The following PTPN11 variants were observed in gnomAD, a reference collection of about 807,000 sequenced individuals.
PTPN11 encodes tyrosine-protein phosphatase non-receptor type 11.
A neutral mutation model predicts 78.8 loss-of-function variants in PTPN11; 6 were observed. The ratio of observed to expected loss-of-function variants is 0.08; its 90% confidence interval spans 0.04 to 0.15. The LOEUF (loss-of-function observed/expected upper bound fraction) is 0.15. Among genes scored for constraint, PTPN11 ranks in the 10% least tolerant of loss-of-function variants. The pLI is 1.00. For synonymous variants in PTPN11, 221 were observed against 263.5 expected, an observed-to-expected ratio of 0.84 and a Z score of 1.56; for missense variants, 386 against 744.8, an observed-to-expected ratio of 0.52 and a Z score of 5.61.
rs1262014611 is a variant in PTPN11 at position 112,509,241 on chromosome 12, T to C, written c.*3449T>C. 1 of 152,262 alleles carries C rather than the reference T, an allele frequency of 6.6e-6. No individual in the cohort carries two copies. The highest frequency in any genetic ancestry group is 1.9e-4 in the East Asian group (1 of 5,206). The allele number at this position is 152,262 out of a possible 1,614,324, so 9.4% of individuals were successfully genotyped here. A position where few individuals can be genotyped will look rare whatever the true frequency, so the allele number is the denominator to read the frequency against. ...TGAAAAGTTCCAAAATATAGTTTAT[T>C]GTATCTTTCATCACTAAAAATTTGT... is the stretch of plus-strand genomic sequence containing the variant. On this transcript the variant is annotated 3_prime_UTR_variant, in exon 16 of 16. Coordinates refer to ENST00000351677, the MANE Select transcript of PTPN11 (RefSeq NM_002834.5).
chr12:112,468,935 G>A (rs747354479), intron 6 of PTPN11, among the ~76,000 whole-genome samples: 3 of 152,100 alleles, frequency 2.0e-5, no homozygotes, highest in Non-Finnish European at 4.4e-5. Context: ...GTGGTGGTGC[G>A]TGCCTGTAGT....
intron 7 of PTPN11, among the ~76,000 whole-genome samples, chr12:112,477,400 T>A (rs2038521207): frequency 6.6e-6 from 1 of 152,232 alleles, no homozygotes; most frequent in African/African-American, 2.4e-5. Context: ...CTGAGCTTCC[T>A]ATATACCCAA....
At chr12:112,459,235 C>T (rs1048642407) in intron 6 of PTPN11, among the ~76,000 whole-genome samples, 1 of 152,064 alleles carries the variant, frequency 6.6e-6, no homozygotes, top group Admixed American at 6.6e-5. Flanking sequence ...AGAAACCGCT[C>T]ATCAAAATTG....
In PTPN11 at chr12:112,491,489, A is replaced by G. The variant is rs2038744252; in HGVS notation, c.1599+2314A>G. Among the ~76,000 whole-genome samples the G allele has an allele frequency of 2.0e-5, 3 of 152,206 alleles. No individual in the cohort carries two copies. The South Asian group carries it at 6.2e-4, about 31-fold the overall frequency. Reference sequence around the variant, plus strand: ...AATATCATTTCATTTTAAAAAATGAATAATCTAAGCCTACACATTCTAAAA... The same window carrying G: ...AATATCATTTCATTTTAAAAAATGAGTAATCTAAGCCTACACATTCTAAAA... On this transcript the variant is annotated intron_variant, in intron 13 of 15. Coordinates refer to ENST00000351677, the MANE Select transcript of PTPN11 (RefSeq NM_002834.5).
At chr12:112,468,339 GAT>G (rs1396385763) in intron 6 of PTPN11, among the ~76,000 whole-genome samples, 2 of 152,202 alleles carry the variant, frequency 1.3e-5, no homozygotes, top group African/African-American at 4.8e-5. Flanking sequence ...GGGTTTATTT[GAT>G]ATTTTTCTGG....
intron 13 of PTPN11, among the ~76,000 whole-genome samples, chr12:112,494,736 A>G (rs2038792732): frequency 6.6e-6 from 1 of 152,232 alleles, no homozygotes; most frequent in Non-Finnish European, 1.5e-5. Context: ...CTGATCAATT[A>G]CTGCTCTATT....
At chr12:112,468,437 T>A (rs1460966962) in intron 6 of PTPN11, among the ~76,000 whole-genome samples, 1 of 152,188 alleles carries the variant, frequency 6.6e-6, no homozygotes, top group Non-Finnish European at 1.5e-5. Context: ...AAGTCACAAC[T>A]TCTGAATTGT....
intron 5 of PTPN11, 53 bp from the exon 6 acceptor site, chr12:112,455,897 A>T: frequency 9.5e-7 from 1 of 1,049,282 alleles, no homozygotes; most frequent in South Asian, 1.4e-5. Context: ...TTGCATTAAC[A>T]CCGTTTTCTG....
At chr12:112,467,132 GA>G (rs1237840669) in intron 6 of PTPN11, among the ~76,000 whole-genome samples, 2 of 152,140 alleles carry the variant, frequency 1.3e-5, no homozygotes, top group Admixed American at 6.5e-5. Flanking sequence ...GGGAGACAAT[GA>G]AAACTTAACT....
At chr12:112,419,648 C>A (rs2037489940) in intron 1 of PTPN11, among the ~76,000 whole-genome samples, 1 of 152,220 alleles carries the variant, frequency 6.6e-6, no homozygotes, top group Non-Finnish European at 1.5e-5. Flanking sequence ...TTTGTGTCTT[C>A]TTTTCCTCCT....
chr12:112,481,358 C>T (rs953817952), intron 9 of PTPN11, among the ~76,000 whole-genome samples: 46 of 152,320 alleles, frequency 3.0e-4, no homozygotes, highest in African/African-American at 1.0e-3. Flanking sequence ...CTTCTCTCTG[C>T]ATCTTTGATT....
chr12:112,435,146 G>A (rs2037770454), intron 1 of PTPN11, among the ~76,000 whole-genome samples: 1 of 151,852 alleles, frequency 6.6e-6, no homozygotes, highest in African/African-American at 2.4e-5. Context: ...AGCTTCCCAA[G>A]TAACTGGGAC....
intron 2 of PTPN11, 49 bp from the exon 3 acceptor site, chr12:112,450,269 G>A (rs746313728): frequency 6.7e-7 from 1 of 1,494,692 alleles, no homozygotes; most frequent in Non-Finnish European, 9.3e-7. Context: ...TTTTACTGGT[G>A]TAACTCTTTA....
intron 10 of PTPN11, among the ~76,000 whole-genome samples, chr12:112,483,877 G>A (rs2038635548): frequency 6.6e-6 from 1 of 152,148 alleles, no homozygotes; most frequent in African/African-American, 2.4e-5. Context: ...TGGCAGTGGA[G>A]TTGAGGAAGC....
intron 1 of PTPN11, among the ~76,000 whole-genome samples, chr12:112,430,142 T>A (rs2037689946): frequency 6.6e-6 from 1 of 152,026 alleles, no homozygotes; most frequent in Admixed American, 6.6e-5. Flanking sequence ...TGCCTCAGCC[T>A]CTCAAGTAGC....
chr12:112,486,286 A>G (rs2038673959), intron 10 of PTPN11, among the ~76,000 whole-genome samples, 189 bp from the exon 11 acceptor site: 4 of 152,308 alleles, frequency 2.6e-5, no homozygotes, highest in Admixed American at 2.6e-4. Flanking sequence ...CTTATGACAG[A>G]GGCAAAGAGT....
At chr12:112,497,532 C>T (rs2038828535) in intron 13 of PTPN11, among the ~76,000 whole-genome samples, 1 of 152,174 alleles carries the variant, frequency 6.6e-6, no homozygotes, top group Admixed American at 6.5e-5. Flanking sequence ...TCACACAGCT[C>T]CCTTCATCTC....
intron 1 of PTPN11, among the ~76,000 whole-genome samples, chr12:112,442,830 TTATA>T (rs71086107): frequency 0.043 from 1,875 of 43,162 alleles, 35 homozygotes; most frequent in Non-Finnish European, 0.062. Flanking sequence ...CTCTCTCTTT[TTATA>T]TATATATATA....
chr12:112,502,728 TAGAGTGAGC>T (rs2038890885), intron 14 of PTPN11, among the ~76,000 whole-genome samples: 3 of 152,120 alleles, frequency 2.0e-5, no homozygotes, highest in African/African-American at 4.8e-5. Context: ...GCCTGGGCGA[TAGAGTGAGC>T]CTCTGTCTAA....
Sources: allele counts gnomAD v4.1 joint callset (sites outside exome capture counted in the v4.1 genomes callset), GRCh38; gene constraint gnomAD v4.1.1; transcripts MANE v1.5; gene names NCBI Gene and HGNC (gene_info 2026-07-23, HGNC 2026-07-21).